The following PDE11A variants were observed in gnomAD, a reference collection of about 807,000 sequenced individuals.
PDE11A encodes dual 3',5'-cyclic-AMP and -GMP phosphodiesterase 11A.
PDE11A carries 100 observed loss-of-function variants against 100.5 expected under a neutral mutation model. That is an observed-to-expected ratio of 1.00 (90% CI 0.85 to 1.18). PDE11A has a LOEUF of 1.18. Ranked by LOEUF, PDE11A falls within the 50% of genes most tolerant of loss-of-function variation. The probability of loss-of-function intolerance (pLI) is 0.00; values close to 1 mark genes in which losing one functional copy is unlikely to be tolerated. For synonymous variants in PDE11A, 381 were observed against 420.8 expected (o/e 0.91, Z 1.16); for missense variants, 1,141 against 1,152.6 (o/e 0.99, Z 0.15).
At chr2:178,083,998 G>A (rs2105880088) in intron 2 of PDE11A, among the ~76,000 whole-genome samples, 1 of 152,230 alleles carries the variant, frequency 6.6e-6, no homozygotes, top group South Asian at 2.1e-4. Context: ...TAGCTATATA[G>A]ATACGTTCAT....
intron 13 of PDE11A, among the ~76,000 whole-genome samples, chr2:177,704,940 A>G (rs906021757): frequency 9.9e-5 from 15 of 152,164 alleles, no homozygotes; most frequent in Non-Finnish European, 1.8e-4. Context: ...TCCTGGGTTC[A>G]AGCGACTCTC....
intron 2 of PDE11A, among the ~76,000 whole-genome samples, chr2:178,006,427 G>A (rs977460673): frequency 1.3e-5 from 2 of 152,154 alleles, no homozygotes; most frequent in Non-Finnish European, 2.9e-5. Flanking sequence ...GGGCAGGGTA[G>A]ACCAGTTTTT....
chr2:177,666,676 T>C (rs79172542), intron 18 of PDE11A, among the ~76,000 whole-genome samples: 4,685 of 152,208 alleles, frequency 0.031, 170 homozygotes, highest in African/African-American at 0.092. Context: ...TTCATGTGCT[T>C]TGTGGCCATT....
intron 2 of PDE11A, among the ~76,000 whole-genome samples, chr2:177,959,753 A>C (rs1574308800): frequency 6.6e-6 from 1 of 152,324 alleles, no homozygotes; most frequent in East Asian, 1.9e-4. Flanking sequence ...TCCAAAACTC[A>C]AATCAAGTAG....
intron 6 of PDE11A, among the ~76,000 whole-genome samples, chr2:177,833,815 C>T (rs932847610): frequency 5.3e-5 from 8 of 152,126 alleles, no homozygotes; most frequent in African/African-American, 1.7e-4. Context: ...CAGACAAAGG[C>T]GTAGACAGAT....
chr2:178,033,096 T>G (rs964469193), intron 1 of PDE11A, among the ~76,000 whole-genome samples: 3 of 152,126 alleles, frequency 2.0e-5, no homozygotes, highest in African/African-American at 7.2e-5. Context: ...AATAACAAAC[T>G]CTTCTGAGCT....
chr2:178,021,588 T>C (rs2086412529), intron 1 of PDE11A, among the ~76,000 whole-genome samples: 1 of 151,950 alleles, frequency 6.6e-6, no homozygotes, highest in African/African-American at 2.4e-5. Context: ...GGAACAAAAG[T>C]TTAATAATAG....
At chr2:177,719,711 T>C (rs2081497096) in intron 12 of PDE11A, among the ~76,000 whole-genome samples, 1 of 152,142 alleles carries the variant, frequency 6.6e-6, no homozygotes, top group Non-Finnish European at 1.5e-5. Flanking sequence ...GAAGAAGCAT[T>C]TAATTTCTGG....
intron 2 of PDE11A, among the ~76,000 whole-genome samples, chr2:177,934,494 G>A (rs1441943018): frequency 6.6e-6 from 1 of 152,168 alleles, no homozygotes; most frequent in Non-Finnish European, 1.5e-5. Flanking sequence ...AACAGATATT[G>A]GCCAGGCTGT....
At chr2:177,996,238 A>C (rs1217146161) in intron 2 of PDE11A, among the ~76,000 whole-genome samples, 1 of 151,948 alleles carries the variant, frequency 6.6e-6, no homozygotes, top group African/African-American at 2.4e-5. Flanking sequence ...AAATAAAAAA[A>C]AAAAAAGAAA....
intron 2 of PDE11A, among the ~76,000 whole-genome samples, chr2:177,931,856 CA>C (rs2085209720): frequency 7.7e-6 from 1 of 130,716 alleles, no homozygotes; most frequent in African/African-American, 2.8e-5. Flanking sequence ...CCAACAAAAC[CA>C]AAAGTTGGTT....
At chr2:177,847,548 A>G (rs1352440129) in intron 5 of PDE11A, among the ~76,000 whole-genome samples, 1 of 152,184 alleles carries the variant, frequency 6.6e-6, no homozygotes, top group Non-Finnish European at 1.5e-5. Context: ...AGTGGTTCTT[A>G]GCTGCCATGT....
intron 2 of PDE11A, among the ~76,000 whole-genome samples, chr2:177,937,299 A>AT (rs2085287148): frequency 6.8e-6 from 1 of 147,880 alleles, no homozygotes; most frequent in Non-Finnish European, 1.5e-5. Context: ...AAAAACAGAA[A>AT]TTTCATAATA....
intron 15 of PDE11A, among the ~76,000 whole-genome samples, chr2:177,696,998 T>A (rs2081121204): frequency 6.6e-6 from 1 of 152,250 alleles, no homozygotes; most frequent in Admixed American, 6.5e-5. Flanking sequence ...AATGCCATTA[T>A]ACAGCTGACC....
At chr2:177,687,125 G>T (rs914122842) in intron 15 of PDE11A, 1 of 152,090 alleles carries the variant, frequency 6.6e-6, no homozygotes, top group African/African-American at 2.4e-5. Flanking sequence ...TGATGATATG[G>T]CAAGATCATG....
chr2:178,012,551 A>C (rs948582446), intron 2 of PDE11A, among the ~76,000 whole-genome samples: 1 of 152,150 alleles, frequency 6.6e-6, no homozygotes, highest in Non-Finnish European at 1.5e-5. Context: ...TCATTAGCTG[A>C]GCTGGGACTC....
Position 178,046,343 on chromosome 2 carries a change from T to G in PDE11A, c.912+25183A>C, listed in dbSNP as rs565729162. 3.9e-5 allele frequency among the ~76,000 whole-genome samples: 6 copies of G among 152,322 alleles called. No homozygotes were observed. In the South Asian group the frequency reaches 1.2e-3, roughly 32 times the overall value. The stretch of plus-strand genomic sequence containing the variant: ...CTTATCAGCAGAAGTCTTATGTTAT[T>G]ATAATGTTGAATTCAGTTCACTTTT... On this transcript the variant is annotated intron_variant, in intron 1 of 19. Coordinates refer to ENST00000286063, the MANE Select transcript of PDE11A (RefSeq NM_016953.4).
chr2:178,066,832 G>A (rs1350725176), intron 1 of PDE11A, among the ~76,000 whole-genome samples: 1 of 152,194 alleles, frequency 6.6e-6, no homozygotes, highest in African/African-American at 2.4e-5. Context: ...CAGCCTAGAG[G>A]TTGCAATCCC....
At chr2:177,847,764 C>T (rs1196324338) in intron 5 of PDE11A, among the ~76,000 whole-genome samples, 1 of 152,154 alleles carries the variant, frequency 6.6e-6, no homozygotes, top group African/African-American at 2.4e-5. Flanking sequence ...CATGTTGGTG[C>T]CTGAGCCCTA....
Sources: allele counts gnomAD v4.1 joint callset (sites outside exome capture counted in the v4.1 genomes callset), GRCh38; gene constraint gnomAD v4.1.1; transcripts MANE v1.5; gene names NCBI Gene and HGNC (gene_info 2026-07-23, HGNC 2026-07-21).